The following GPC5 variants were observed in gnomAD, a reference collection of about 807,000 sequenced individuals.
The protein encoded by GPC5 is glypican-5.
GPC5 carries 47 observed loss-of-function variants against 53.9 expected under a neutral mutation model. The observed-to-expected ratio is 0.87, with a 90% CI of 0.69 to 1.11. The LOEUF (loss-of-function observed/expected upper bound fraction) is 1.11. Among genes scored for constraint, GPC5 ranks in the 50% most tolerant of loss-of-function variants. GPC5 has a pLI of 0.00. For synonymous variants in GPC5, 286 were observed against 263.3 expected, an observed-to-expected ratio of 1.09 and a Z score of -0.84; for missense variants, 748 against 713.1, an observed-to-expected ratio of 1.05 and a Z score of -0.56.
At chr13:91,521,792 G>A (rs1035678707) in intron 2 of GPC5, among the ~76,000 whole-genome samples, 2 of 152,054 alleles carry the variant, frequency 1.3e-5, no homozygotes, top group Admixed American at 6.5e-5. Context: ...AAAAGGTGAG[G>A]GCTCAGTCCC....
intron 7 of GPC5, among the ~76,000 whole-genome samples, chr13:92,703,811 T>C (rs1469510420): frequency 6.6e-6 from 1 of 151,930 alleles, no homozygotes; most frequent in East Asian, 1.9e-4. Context: ...AGTTTAAATA[T>C]AGTCCTGGGA....
chr13:92,385,722 TATATACATGTATATATAC>T (rs1298698759), intron 7 of GPC5, among the ~76,000 whole-genome samples: 3 of 144,952 alleles, frequency 2.1e-5, no homozygotes, highest in African/African-American at 7.5e-5. Flanking sequence ...CATATATACA[TATATACATGTATATATAC>T]GTATATATAC....
intron 6 of GPC5, among the ~76,000 whole-genome samples, chr13:91,977,076 AT>A (rs2040310001): frequency 4.0e-5 from 6 of 151,586 alleles, no homozygotes; most frequent in Admixed American, 6.6e-5. Context: ...AAATAAATAA[AT>A]AAATAAAATA....
chr13:92,764,734 C>T (rs1036154261), intron 7 of GPC5, among the ~76,000 whole-genome samples: 2 of 151,982 alleles, frequency 1.3e-5, no homozygotes, highest in African/African-American at 2.4e-5. Flanking sequence ...TGGTTATTTT[C>T]ATCGAAATGT....
chr13:92,144,990 G>A lies in GPC5; in HGVS notation c.1561+1G>A. On this transcript the variant is annotated splice_donor_variant, in intron 7 of 7. Transcript: ENST00000377067. LOFTEE classifies it high-confidence loss of function. ...AAGAGGACACTGAAGATCACAGACTGTAAGTGTATGATTCTAACACCACTT... is the reference window on the plus strand; with the variant it reads ...AAGAGGACACTGAAGATCACAGACTATAAGTGTATGATTCTAACACCACTT... The A allele has an allele frequency of 1.4e-6, 2 of 1,451,322 alleles. No homozygotes were observed. Among genetic ancestry groups the A allele is most frequent in the Non-Finnish European group, 9.1e-7 (1 of 1,100,812 alleles). 89.9% of individuals were successfully genotyped at this position (1,451,322 alleles called of 1,614,324 possible).
intron 7 of GPC5, among the ~76,000 whole-genome samples, chr13:92,835,577 TG>T (rs1315358019): frequency 1.3e-5 from 2 of 152,036 alleles, no homozygotes; most frequent in African/African-American, 4.8e-5. Context: ...ATTTCACTAC[TG>T]AAGGATATGA....
Position 92,547,311 on chromosome 13 carries a change from T to A in GPC5, c.1562-318971T>A, listed in dbSNP as rs1056809139. On this transcript the variant is annotated intron_variant, in intron 7 of 7. Transcript: ENST00000377067. The stretch of plus-strand genomic sequence containing the variant: ...AGTGAAGGAATATATTTTTTCGAAG[T>A]ACTTTAGAGAAAAAATTAACTGCAA... 2.6e-5 allele frequency among the ~76,000 whole-genome samples: 4 copies of A among 152,296 alleles called. No homozygotes were observed. In the East Asian group the frequency reaches 7.7e-4, roughly 29 times the overall value.
At chr13:92,551,625 G>A (rs1411036894) in intron 7 of GPC5, among the ~76,000 whole-genome samples, 1 of 151,910 alleles carries the variant, frequency 6.6e-6, no homozygotes, top group Non-Finnish European at 1.5e-5. Flanking sequence ...TGGTGTGGCA[G>A]AGCATGAAAA....
chr13:91,553,078 A>G (rs770289433), intron 2 of GPC5, among the ~76,000 whole-genome samples: 4 of 152,086 alleles, frequency 2.6e-5, no homozygotes, highest in African/African-American at 9.7e-5. Flanking sequence ...TTGATGAAAT[A>G]TGGTACCTGC....
chr13:91,802,122 G>A (rs190913118), intron 5 of GPC5, among the ~76,000 whole-genome samples: 6 of 152,306 alleles, frequency 3.9e-5, no homozygotes, highest in Admixed American at 3.9e-4. Flanking sequence ...CTTCTGGTGG[G>A]TTCTTGGTCT....
At chr13:91,429,149 G>A (rs1449274069) in intron 1 of GPC5, among the ~76,000 whole-genome samples, 1 of 152,066 alleles carries the variant, frequency 6.6e-6, no homozygotes, top group Non-Finnish European at 1.5e-5. Context: ...CAAACTTCTG[G>A]CCTCAAGTGA....
intron 2 of GPC5, among the ~76,000 whole-genome samples, chr13:91,662,294 A>G (rs573490347): frequency 6.6e-6 from 1 of 152,300 alleles, no homozygotes; most frequent in African/African-American, 2.4e-5. Flanking sequence ...AGGGAATGAG[A>G]GACCGCCAAA....
intron 7 of GPC5, among the ~76,000 whole-genome samples, chr13:92,541,162 A>G (rs1042699649): frequency 2.0e-5 from 3 of 151,862 alleles, no homozygotes; most frequent in African/African-American, 7.2e-5. Context: ...AATGTAAAAA[A>G]TCTTTTAGTA....
At chr13:92,110,839 G>A (rs1045940926) in intron 6 of GPC5, among the ~76,000 whole-genome samples, 3 of 152,124 alleles carry the variant, frequency 2.0e-5, no homozygotes, top group Non-Finnish European at 4.4e-5. Flanking sequence ...GCTGTCATAT[G>A]TCCATTCAGA....
chr13:91,802,848 C>A (rs1297952699), intron 5 of GPC5, among the ~76,000 whole-genome samples: 1 of 152,010 alleles, frequency 6.6e-6, no homozygotes, highest in Non-Finnish European at 1.5e-5. Flanking sequence ...AAATAAGTTA[C>A]CTGAGCATTG....
chr13:91,444,766 T>C (rs1379152151), intron 1 of GPC5, among the ~76,000 whole-genome samples: 1 of 152,142 alleles, frequency 6.6e-6, no homozygotes, highest in Non-Finnish European at 1.5e-5. Context: ...TTTACTGGGG[T>C]GGGGACTGCT....
At chr13:92,596,689 G>C (rs534325835) in intron 7 of GPC5, among the ~76,000 whole-genome samples, 146 of 152,176 alleles carry the variant, frequency 9.6e-4, no homozygotes, top group African/African-American at 3.4e-3. Flanking sequence ...GGCCAGGATG[G>C]TCTCAATCTC....
chr13:92,818,437 A>G (rs1413437164), intron 7 of GPC5, among the ~76,000 whole-genome samples: 1 of 152,038 alleles, frequency 6.6e-6, no homozygotes, highest in Non-Finnish European at 1.5e-5. Flanking sequence ...AGGATAAGAA[A>G]CAATGCTTTT....
chr13:92,476,886 G>A (rs1322432568), intron 7 of GPC5, among the ~76,000 whole-genome samples: 1 of 120,074 alleles, frequency 8.3e-6, no homozygotes, highest in Non-Finnish European at 1.7e-5. Flanking sequence ...ACACTCTGGG[G>A]ACTGTTGTGG....
Sources: gnomAD v4.1 joint callset for allele counts (sites outside exome capture counted in the v4.1 genomes callset) on GRCh38, gnomAD v4.1.1 for gene constraint, MANE v1.5 for transcripts, NCBI Gene and HGNC (gene_info 2026-07-23, HGNC 2026-07-21) for gene names.